The following MVB12B variants were observed in gnomAD, a reference collection of about 807,000 sequenced individuals.
The protein encoded by MVB12B is ESCRT-I complex subunit MVB12B.
MVB12B carries 16 observed loss-of-function variants against 41.6 expected under a neutral mutation model. That is an observed-to-expected ratio of 0.38 (90% confidence interval 0.26 to 0.58). The LOEUF is 0.58. MVB12B is among the 20% of genes least tolerant of loss of function. The probability of loss-of-function intolerance (pLI) is 0.62; values close to 1 mark genes in which losing one functional copy is unlikely to be tolerated. For missense variants in MVB12B, 274 were observed against 380.2 expected, an observed-to-expected ratio of 0.72 and a Z score of 2.32; for synonymous variants, 133 against 139.7, an observed-to-expected ratio of 0.95 and a Z score of 0.34.
intron 9 of MVB12B, among the ~76,000 whole-genome samples, chr9:126,500,612 G>T (rs565585642): frequency 2.0e-5 from 3 of 152,316 alleles, no homozygotes; most frequent in East Asian, 3.9e-4. Context: ...GCATTTGACC[G>T]GGACCCCCCG....
chr9:126,422,729 C>T (rs1832062504), intron 7 of MVB12B, among the ~76,000 whole-genome samples: 1 of 152,078 alleles, frequency 6.6e-6, no homozygotes, highest in South Asian at 2.1e-4. Flanking sequence ...CATTCATGTT[C>T]CATAATGAAT....
At chr9:126,328,270 C>T (rs989159770) in intron 1 of MVB12B, among the ~76,000 whole-genome samples, 3 of 152,066 alleles carry the variant, frequency 2.0e-5, no homozygotes, top group African/African-American at 7.2e-5. Context: ...GACCCGGGCT[C>T]CAAGCCCCAT....
At chr9:126,425,901 A>G (rs770017435) in intron 7 of MVB12B, among the ~76,000 whole-genome samples, 6 of 152,242 alleles carry the variant, frequency 3.9e-5, no homozygotes, top group Non-Finnish European at 8.8e-5. Context: ...AGGGTCAGCA[A>G]ACTAAAGCCC....
At chr9:126,481,336 T>G (rs776843043) in intron 7 of MVB12B, 33 bp from the exon 8 acceptor site, 1 of 1,593,954 alleles carries the variant, frequency 6.3e-7, no homozygotes, top group Non-Finnish European at 8.6e-7. Context: ...CTTCAATACC[T>G]TTAATGCCAT....
chr9:126,332,218 C>T (rs571473165), intron 1 of MVB12B, among the ~76,000 whole-genome samples: 4 of 152,054 alleles, frequency 2.6e-5, no homozygotes, highest in Non-Finnish European at 5.9e-5. Flanking sequence ...CCTTTCCCTG[C>T]GTCACCAGGC....
At chr9:126,379,441 G>A (rs1830576771) in intron 2 of MVB12B, among the ~76,000 whole-genome samples, 1 of 152,142 alleles carries the variant, frequency 6.6e-6, no homozygotes, top group Admixed American at 6.5e-5. Context: ...TAAATCTCAT[G>A]TTTCCCTAGA....
intron 2 of MVB12B, among the ~76,000 whole-genome samples, chr9:126,366,724 C>T (rs1186582666): frequency 6.6e-6 from 1 of 152,170 alleles, no homozygotes; most frequent in African/African-American, 2.4e-5. Context: ...CTCTCCCTCA[C>T]TGTGCACCCT....
chr9:126,386,074 C>T lies in MVB12B; in HGVS notation c.313-488C>T, dbSNP rs1360633605. Among the ~76,000 whole-genome samples the T allele has an allele frequency of 1.3e-5, 2 of 152,162 alleles. No individual in the cohort carries two copies. The highest frequency in any genetic ancestry group is 6.5e-5 in the Admixed American group (1 of 15,274). On this transcript the variant is annotated intron_variant, in intron 3 of 9. Transcript: ENST00000361171. This position sits in a 1 kb window ranked among gnomAD's most constrained non-coding sequence, Gnocchi z 4.3. ...TTAGTGTATGATTCTTGGGATTTTG[C>T]AGAATGTATCTAGCAACTGAAATGT...
chr9:126,426,496 A>C (rs1322008550), intron 7 of MVB12B, among the ~76,000 whole-genome samples: 4 of 151,998 alleles, frequency 2.6e-5, no homozygotes, highest in African/African-American at 9.7e-5. Context: ...CAGGACTCTT[A>C]GTGGCTGTTA....
At chr9:126,442,001 G>T (rs1832652449) in intron 7 of MVB12B, among the ~76,000 whole-genome samples, 1 of 152,158 alleles carries the variant, frequency 6.6e-6, no homozygotes, top group South Asian at 2.1e-4. Flanking sequence ...GTAGCTGCTG[G>T]GTTTCATAAT....
chr9:126,399,482 C>G lies in MVB12B; in HGVS notation c.662+3785C>G, dbSNP rs1421442747. Among the ~76,000 whole-genome samples the G allele has an allele frequency of 1.8e-4, 27 of 152,210 alleles. 1 individual carries two copies. Among genetic ancestry groups the G allele is most frequent in the Admixed American group, 1.8e-3 (27 of 15,284 alleles). On this transcript the variant is annotated intron_variant, in intron 6 of 9. Coordinates refer to ENST00000361171, the MANE Select transcript of MVB12B (RefSeq NM_033446.3). The stretch of plus-strand genomic sequence containing the variant: ...TGATCAGATGGTGGGGTTTCTGATT[C>G]AGCTCTGTGATGCTGTCTGGGGCAG...
chr9:126,495,191 CAAA>C (rs5900709), intron 9 of MVB12B, among the ~76,000 whole-genome samples: 14 of 131,894 alleles, frequency 1.1e-4, no homozygotes, highest in Non-Finnish European at 9.5e-5. Flanking sequence ...GATCCTGTCT[CAAA>C]AAAAAAAAAA....
At chr9:126,455,887 C>CTTTTTTTTTTTTT (rs3983803) in intron 7 of MVB12B, among the ~76,000 whole-genome samples, 35 of 103,042 alleles carry the variant, frequency 3.4e-4, no homozygotes, top group East Asian at 5.7e-4. Context: ...TTCTTTCTTT[C>CTTTTTTTTTTTTT]TTTTTTTTTT....
At chr9:126,394,892 G>A (rs926441700) in intron 5 of MVB12B, among the ~76,000 whole-genome samples, 14 of 152,190 alleles carry the variant, frequency 9.2e-5, no homozygotes, top group South Asian at 2.1e-4. Context: ...AAATGATCCC[G>A]TCACTATTCC....
At chr9:126,375,956 G>A (rs1330090996) in intron 2 of MVB12B, among the ~76,000 whole-genome samples, 3 of 152,032 alleles carry the variant, frequency 2.0e-5, no homozygotes, top group Non-Finnish European at 4.4e-5. Flanking sequence ...CGGTTCTTTC[G>A]TTTTGGGGTG....
intron 7 of MVB12B, among the ~76,000 whole-genome samples, chr9:126,457,185 T>C (rs1350158809): frequency 6.6e-6 from 1 of 152,114 alleles, no homozygotes; most frequent in Admixed American, 6.5e-5. Flanking sequence ...TTACCCACAC[T>C]GCGGCCAAGT....
intron 6 of MVB12B, among the ~76,000 whole-genome samples, chr9:126,409,714 C>T (rs75979796): frequency 6.0e-4 from 92 of 152,310 alleles, no homozygotes; most frequent in East Asian, 5.6e-3. Flanking sequence ...ACCTCCCCTG[C>T]GGAGCTGGGA....
chr9:126,416,235 C>T (rs956150234), intron 6 of MVB12B, among the ~76,000 whole-genome samples: 1 of 152,204 alleles, frequency 6.6e-6, no homozygotes, highest in Non-Finnish European at 1.5e-5. Flanking sequence ...TTGAAGCTCG[C>T]GTACTTGCAT....
chr9:126,459,916 C>T lies in MVB12B; in HGVS notation c.758-21453C>T, dbSNP rs376118712. On this transcript the variant is annotated intron_variant, in intron 7 of 9. Coordinates refer to ENST00000361171, the MANE Select transcript of MVB12B (RefSeq NM_033446.3). This position sits in a 1 kb window ranked among gnomAD's most constrained non-coding sequence, Gnocchi z 4.3. ...CACAGGCGGGTTTCATGAGTGGAGC[C>T]GCTCTTGTTGGGAAGCAGCTTCCCC... 6.6e-6 allele frequency among the ~76,000 whole-genome samples: 1 copy of T among 152,188 alleles called. No homozygotes were observed. The highest frequency in any genetic ancestry group is 6.5e-5 in the Admixed American group (1 of 15,288).
Sources: allele counts gnomAD v4.1 joint callset (sites outside exome capture counted in the v4.1 genomes callset), GRCh38; gene constraint gnomAD v4.1.1; non-coding constraint Gnocchi (gnomAD v3.1); transcripts MANE v1.5; gene names NCBI Gene and HGNC (gene_info 2026-07-23, HGNC 2026-07-21).